NRXN1: variants seen among roughly 807,000 people sequenced by gnomAD.
NRXN1 encodes neurexin-1.
In NRXN1, 39 loss-of-function variants were observed where a neutral mutation model predicts 150.9. The ratio of observed to expected loss-of-function variants is 0.26; its 90% CI spans 0.20 to 0.34. The LOEUF (loss-of-function observed/expected upper bound fraction) is 0.34, where lower values mean the gene tolerates loss of function less well. Among genes scored for constraint, NRXN1 ranks in the 10% least tolerant of loss-of-function variants. The pLI is 1.00. For synonymous variants in NRXN1, 924 were observed against 757.0 expected (o/e 1.22, Z -3.62); for missense variants, 1,815 against 1,949.9 (o/e 0.93, Z 1.30).
At chr2:50,562,830 G>A (rs1188163614) in intron 8 of NRXN1, among the ~76,000 whole-genome samples, 1 of 151,882 alleles carries the variant, frequency 6.6e-6, no homozygotes, top group Non-Finnish European at 1.5e-5. Flanking sequence ...TTTTATTGAT[G>A]TTTATTTTTT....
intron 5 of NRXN1, among the ~76,000 whole-genome samples, chr2:50,902,385 G>GAA (rs796909951): frequency 7.1e-6 from 1 of 140,976 alleles, no homozygotes; most frequent in African/African-American, 2.6e-5. Context: ...CTCGGGAACT[G>GAA]AAAAAAAAAA....
intron 18 of NRXN1, among the ~76,000 whole-genome samples, chr2:50,141,645 G>T (rs1197551748): frequency 2.0e-5 from 3 of 152,058 alleles, no homozygotes; most frequent in East Asian, 3.9e-4. Context: ...AGTGGACAAA[G>T]AATCTGAAAA....
At chr2:50,373,350 A>G (rs2080177023) in intron 17 of NRXN1, among the ~76,000 whole-genome samples, 1 of 139,282 alleles carries the variant, frequency 7.2e-6, no homozygotes, top group South Asian at 2.3e-4. Context: ...AGATTGAGGT[A>G]GAAGACTCTG....
rs1327979827 is a variant in NRXN1, at chr2:50,413,013, A to T, written c.3364+52429T>A. On this transcript the variant is annotated intron_variant, in intron 17 of 22. Coordinates refer to ENST00000401669, the MANE Select transcript of NRXN1 (RefSeq NM_001330078.2). ...AAACACTGGGGAAAATCTCCAGGAC[A>T]TTTTTTTGGGCAAAACTTTCATGAG... 2.0e-5 allele frequency among the ~76,000 whole-genome samples: 3 copies of T among 152,204 alleles called. No homozygotes were observed. The East Asian group carries it at 5.8e-4, about 29-fold the overall frequency.
At chr2:50,584,557 T>C (rs994604289) in intron 8 of NRXN1, among the ~76,000 whole-genome samples, 6 of 152,182 alleles carry the variant, frequency 3.9e-5, no homozygotes, top group African/African-American at 1.2e-4. Flanking sequence ...TGGGCAGCTA[T>C]TGGCAAAGAA....
intron 21 of NRXN1, among the ~76,000 whole-genome samples, chr2:49,951,070 G>T (rs1045596155): frequency 6.6e-5 from 10 of 151,866 alleles, no homozygotes; most frequent in Admixed American, 6.6e-5. Context: ...CTCTGCCGTG[G>T]TAAAGAAATC....
At chr2:50,048,172 C>A (rs532359428) in intron 21 of NRXN1, among the ~76,000 whole-genome samples, 19 of 152,280 alleles carry the variant, frequency 1.2e-4, no homozygotes, top group African/African-American at 4.6e-4. Context: ...TTACACTCTT[C>A]TCACCAGGCA....
At chr2:50,714,471 T>G (rs1395672220) in intron 5 of NRXN1, among the ~76,000 whole-genome samples, 1 of 152,112 alleles carries the variant, frequency 6.6e-6, no homozygotes, top group Non-Finnish European at 1.5e-5. Flanking sequence ...TGCTACTCAG[T>G]TCATCTTGGA....
chr2:50,886,264 T>G (rs566165771), intron 5 of NRXN1, among the ~76,000 whole-genome samples: 3 of 151,428 alleles, frequency 2.0e-5, no homozygotes, highest in East Asian at 1.9e-4. Flanking sequence ...AAAGAGGTGG[T>G]AGAAAAATAA....
chr2:50,288,654 G>T (rs546583797), intron 17 of NRXN1, among the ~76,000 whole-genome samples: 1 of 152,220 alleles, frequency 6.6e-6, no homozygotes, highest in East Asian at 1.9e-4. Context: ...GAGAGAACAT[G>T]CAGGGAACTC....
rs189462390 is a variant in NRXN1 at position 50,850,969 on chromosome 2, A to G, written c.832+70900T>C. ...ATTGTTATTTTTGAAGAAATGAAGC[A>G]GAGTAGAATGTTACCAGTTTTAATA... On this transcript the variant is annotated intron_variant, in intron 5 of 22. Coordinates refer to ENST00000401669, the MANE Select transcript of NRXN1 (RefSeq NM_001330078.2). Among the ~76,000 whole-genome samples, 287 of 152,330 alleles carry G rather than the reference A, an allele frequency of 1.9e-3. 1 individual carries two copies. Among genetic ancestry groups the G allele is most frequent in the African/African-American group, 6.3e-3 (262 of 41,582 alleles).
intron 5 of NRXN1, among the ~76,000 whole-genome samples, chr2:50,749,611 A>T (rs1474233876): frequency 6.6e-6 from 1 of 152,128 alleles, no homozygotes; most frequent in Non-Finnish European, 1.5e-5. Flanking sequence ...TTAAAAATTC[A>T]AAAGGAAGAA....
chr2:50,342,078 A>T (rs1183422670), intron 17 of NRXN1, among the ~76,000 whole-genome samples: 1 of 152,170 alleles, frequency 6.6e-6, no homozygotes, highest in Non-Finnish European at 1.5e-5. Context: ...TCTCATCCTT[A>T]TTATTCTCTG....
chr2:50,847,454 C>A (rs941170192), intron 5 of NRXN1, among the ~76,000 whole-genome samples: 1 of 151,906 alleles, frequency 6.6e-6, no homozygotes, highest in African/African-American at 2.4e-5. Flanking sequence ...AGAGTGTGGT[C>A]GCTTTAAATG....
chr2:50,845,792 G>A (rs1290942501), intron 5 of NRXN1, among the ~76,000 whole-genome samples: 2 of 152,022 alleles, frequency 1.3e-5, no homozygotes, highest in African/African-American at 4.8e-5. Context: ...AGATATGTCT[G>A]ATATAAATAT....
intron 8 of NRXN1, among the ~76,000 whole-genome samples, chr2:50,595,566 T>C (rs1013474048): frequency 1.3e-5 from 2 of 152,104 alleles, no homozygotes; most frequent in African/African-American, 2.4e-5. Context: ...CGGTCAGCAT[T>C]TGAGGCTATG....
chr2:50,141,411 C>G (rs545411278), intron 18 of NRXN1, among the ~76,000 whole-genome samples: 2 of 151,874 alleles, frequency 1.3e-5, no homozygotes, highest in Non-Finnish European at 2.9e-5. Flanking sequence ...AAAGATTTTA[C>G]GGCTAAGTCC....
At chr2:49,994,449 C>T (rs888845648) in intron 21 of NRXN1, among the ~76,000 whole-genome samples, 5 of 152,130 alleles carry the variant, frequency 3.3e-5, no homozygotes, top group African/African-American at 1.2e-4. Flanking sequence ...ACAGATAATA[C>T]GACACTCAGA....
At chr2:50,788,648 G>A (rs1705496643) in intron 5 of NRXN1, among the ~76,000 whole-genome samples, 1 of 152,006 alleles carries the variant, frequency 6.6e-6, no homozygotes, top group Admixed American at 6.6e-5. Context: ...ACCCTTTCGA[G>A]AAGGCCTCCT....
Sources: gnomAD v4.1 joint callset for allele counts (sites outside exome capture counted in the v4.1 genomes callset) on GRCh38, gnomAD v4.1.1 for gene constraint, MANE v1.5 for transcripts, NCBI Gene and HGNC (gene_info 2026-07-23, HGNC 2026-07-21) for gene names.